The following ERBIN variants were observed in gnomAD, a reference collection of about 807,000 sequenced individuals.
ERBIN encodes the protein erbb2 interacting protein.
Under a neutral mutation model 158.4 loss-of-function variants are expected in ERBIN, and 60 were observed. The ratio of observed to expected loss-of-function variants is 0.38; its 90% CI spans 0.31 to 0.47. The LOEUF (loss-of-function observed/expected upper bound fraction) is 0.47, where lower values mean the gene tolerates loss of function less well. ERBIN is among the 20% of genes least tolerant of loss of function. ERBIN has a pLI of 0.99. For missense variants in ERBIN, 1,610 were observed against 1,648.0 expected, an observed-to-expected ratio of 0.98 and a Z score of 0.40; for synonymous variants, 594 against 557.2, an observed-to-expected ratio of 1.07 and a Z score of -0.93.
At chr5:66,074,423 GATT>G (rs1250982497) in intron 22 of ERBIN, among the ~76,000 whole-genome samples, 1 of 149,296 alleles carries the variant, frequency 6.7e-6, no homozygotes, top group African/African-American at 2.5e-5. Flanking sequence ...AATAATAAGA[GATT>G]ATAAACGTTG....
intron 7 of ERBIN, among the ~76,000 whole-genome samples, chr5:66,017,351 G>A (rs1308118715): frequency 3.3e-5 from 5 of 151,980 alleles, no homozygotes; most frequent in Non-Finnish European, 5.9e-5. Context: ...ATCCTTGCTA[G>A]TTATTGCCTG....
intron 21 of ERBIN, among the ~76,000 whole-genome samples, chr5:66,060,364 T>C (rs1362609952): frequency 1.3e-5 from 2 of 152,230 alleles, no homozygotes; most frequent in Non-Finnish European, 2.9e-5. Context: ...TAGTTTGTAT[T>C]TCTGTGGGAT....
At chr5:65,943,578 G>T (rs1745339658) in intron 1 of ERBIN, among the ~76,000 whole-genome samples, 1 of 151,984 alleles carries the variant, frequency 6.6e-6, no homozygotes, top group Non-Finnish European at 1.5e-5. Flanking sequence ...TGGCCTCTTT[G>T]TGTACATCCT....
At chr5:66,002,040 C>T (rs1250446991) in intron 4 of ERBIN, among the ~76,000 whole-genome samples, 1 of 152,090 alleles carries the variant, frequency 6.6e-6, no homozygotes, top group East Asian at 1.9e-4. Flanking sequence ...GTTCAACTCC[C>T]ACTTATGAGC....
rs2151145344 is a variant in ERBIN at position 66,023,354 on chromosome 5, T to A, written c.662T>A (p.Phe221Tyr). The A allele has an allele frequency of 6.2e-7, 1 of 1,610,522 alleles. No homozygotes were observed. Residue 221 changes from phenylalanine to tyrosine, a missense_variant, in exon 9 of 26, where the codon TTT (phenylalanine) becomes TAT (tyrosine). Phe to Tyr is a conservative substitution (Grantham distance 22). Coordinates refer to ENST00000284037, the MANE Select transcript of ERBIN (RefSeq NM_001253697.2). ...TGGATGGATGCTAATAGACTGACTT[T>A]TATTCCAGGGGTATGTATATGAGAT... ...EFWMDANRLT[F>Y]IPGFIGSLKQ...
chr5:65,976,522 T>TTC (rs2151000209), intron 1 of ERBIN, among the ~76,000 whole-genome samples: 1 of 132,252 alleles, frequency 7.6e-6, no homozygotes, highest in African/African-American at 3.7e-5. Flanking sequence ...TCTTTTTTCT[T>TTC]TTTTTTTTTT....
At chr5:66,076,672 T>G in intron 24 of ERBIN, 2 of 601,698 alleles carry the variant, frequency 3.3e-6, no homozygotes, top group Non-Finnish European at 5.9e-6. Context: ...AAAAGTAATT[T>G]TATTACTCTC....
intron 21 of ERBIN, among the ~76,000 whole-genome samples, chr5:66,061,660 A>T (rs1250926907): frequency 6.6e-6 from 1 of 152,170 alleles, no homozygotes; most frequent in East Asian, 1.9e-4. Context: ...ACAATTTGGC[A>T]TGTTTTTGCA....
chr5:66,078,573 G>A lies in ERBIN; in HGVS notation c.*43G>A. ...AGCGGGGAAGACAGCAAGATTTATT[G>A]GAAGATACTTACAGGGGAAATTAAT... is the stretch of plus-strand genomic sequence containing the variant. On this transcript the variant is annotated 3_prime_UTR_variant, in exon 26 of 26. Coordinates refer to ENST00000284037, the MANE Select transcript of ERBIN (RefSeq NM_001253697.2). 8.9e-7 allele frequency: 1 copy of A among 1,121,672 alleles called. No individual in the cohort carries two copies. The allele number at this position is 1,121,672 out of a possible 1,614,324, so 69.5% of individuals were successfully genotyped here. A position where few individuals can be genotyped will look rare whatever the true frequency, so the allele number is the denominator to read the frequency against.
At chr5:66,058,638 A>G (rs552223689) in intron 21 of ERBIN, among the ~76,000 whole-genome samples, 2 of 146,022 alleles carry the variant, frequency 1.4e-5, no homozygotes, top group African/African-American at 5.0e-5. Context: ...GGTATTGCCT[A>G]GGTTTTCTTC....
At position 66,018,521 on chromosome 5, in the gene ERBIN, T is replaced by C. The variant is rs1254500329; in HGVS notation, c.534-2801T>C. ...ATAATATATATTATATATTATATAATATATATTATATTATATAATATATAT... is the reference window on the plus strand; with the variant it reads ...ATAATATATATTATATATTATATAACATATATTATATTATATAATATATAT... On this transcript the variant is annotated intron_variant, in intron 7 of 25. Transcript: ENST00000284037. Among the ~76,000 whole-genome samples, 87 of 13,106 alleles carry C rather than the reference T, an allele frequency of 6.6e-3. 37 individuals carry two copies. Among genetic ancestry groups the C allele is most frequent in the Non-Finnish European group, 0.014 (68 of 4,868 alleles). 8.6% of individuals were successfully genotyped at this position (13,106 alleles called of 152,430 possible).
Position 66,013,657 on chromosome 5 carries a change from TA to T in ERBIN, c.476+23del. On this transcript the variant is annotated intron_variant, in intron 6 of 25. Transcript: ENST00000284037. Reference sequence around the variant, plus strand: ...TTGGCAGGTAAATTATGGTTTCTTCTAAAACGTTTTATTATTAGCTCTTATA... The same window carrying T: ...TTGGCAGGTAAATTATGGTTTCTTCTAAACGTTTTATTATTAGCTCTTATA... 6.6e-7 allele frequency: 1 copy of T among 1,524,268 alleles called. No homozygotes were observed. Among genetic ancestry groups the T allele is most frequent in the Non-Finnish European group, 9.1e-7 (1 of 1,098,706 alleles). 94.4% of individuals were successfully genotyped at this position (1,524,268 alleles called of 1,614,324 possible). A position where few individuals can be genotyped will look rare whatever the true frequency, so the allele number is the denominator to read the frequency against.
chr5:66,070,904 A>C (rs1005759373), intron 21 of ERBIN, among the ~76,000 whole-genome samples: 1 of 152,202 alleles, frequency 6.6e-6, no homozygotes, highest in Admixed American at 6.5e-5. Context: ...TGTAGTTTGC[A>C]TTTCTATGTT....
intron 1 of ERBIN, among the ~76,000 whole-genome samples, chr5:65,935,755 C>T (rs564370056): frequency 8.3e-4 from 127 of 152,240 alleles, no homozygotes; most frequent in African/African-American, 3.0e-3. Context: ...AGAAGGGTCT[C>T]GCTCTGTCGC....
In ERBIN at chr5:66,021,283, A is replaced by G. The variant is rs752576832; in HGVS notation, c.534-39A>G. 45 of 1,346,820 alleles carry G rather than the reference A, an allele frequency of 3.3e-5. 2 individuals are homozygous for G. The South Asian group carries it at 5.5e-4, about 17-fold the overall frequency. 83.4% of individuals were successfully genotyped at this position (1,346,820 alleles called of 1,614,324 possible). A position where few individuals can be genotyped will look rare whatever the true frequency, so the allele number is the denominator to read the frequency against. ...TTTTGAAAGCTTCCATGTAATTGATATTTTTCTAGTTAATTTTTCATTACT... is the reference window on the plus strand; with the variant it reads ...TTTTGAAAGCTTCCATGTAATTGATGTTTTTCTAGTTAATTTTTCATTACT... On this transcript the variant is annotated intron_variant, in intron 7 of 25. Transcript: ENST00000284037.
chr5:66,024,243 C>T, intron 9 of ERBIN, 63 bp from the exon 10 acceptor site: 3 of 1,135,616 alleles, frequency 2.6e-6, no homozygotes, highest in South Asian at 1.8e-5. Context: ...AAGTTTATTC[C>T]CTAAACTTTT....
intron 1 of ERBIN, among the ~76,000 whole-genome samples, chr5:65,944,557 A>G (rs1459114693): frequency 6.6e-6 from 1 of 151,990 alleles, no homozygotes; most frequent in Non-Finnish European, 1.5e-5. Flanking sequence ...GGCATGTGCC[A>G]CCCTACCTGG....
intron 1 of ERBIN, among the ~76,000 whole-genome samples, chr5:65,966,183 G>C (rs80175636): frequency 0.011 from 1,691 of 152,218 alleles, 27 homozygotes; most frequent in African/African-American, 0.037. Flanking sequence ...TAGTGATATA[G>C]CTGTCATAAT....
Position 66,077,395 on chromosome 5 carries a change from A to T in ERBIN, c.4131+446A>T, listed in dbSNP as rs79465791. Among the ~76,000 whole-genome samples the T allele has an allele frequency of 3.0e-4, 45 of 152,190 alleles. No homozygotes were observed. The East Asian group carries it at 7.9e-3, about 27-fold the overall frequency. ...ACAGTCTTAGAAGGAAGACAAACCTAGGACACAAGTATAGCTCTCATTTTC... is the reference window on the plus strand; with the variant it reads ...ACAGTCTTAGAAGGAAGACAAACCTTGGACACAAGTATAGCTCTCATTTTC... On this transcript the variant is annotated intron_variant, in intron 25 of 25. Transcript: ENST00000284037.
Sources: allele counts gnomAD v4.1 joint callset (sites outside exome capture counted in the v4.1 genomes callset), GRCh38; gene constraint gnomAD v4.1.1; transcripts MANE v1.5; gene names NCBI Gene and HGNC (gene_info 2026-07-23, HGNC 2026-07-21).